TMEM123: variants seen among roughly 807,000 people sequenced by gnomAD.
TMEM123 encodes transmembrane protein 123, also known as porimin.
A neutral mutation model predicts 19.7 loss-of-function variants in TMEM123; 16 were observed. The ratio of observed to expected loss-of-function variants is 0.81; its 90% CI spans 0.55 to 1.23. The LOEUF is 1.23. TMEM123 is among the 50% of genes most tolerant of loss of function. The pLI, the probability that TMEM123 is intolerant of heterozygous loss-of-function variation, is 0.00. For synonymous variants in TMEM123, 118 were observed against 99.4 expected, an observed-to-expected ratio of 1.19 and a Z score of -1.12; for missense variants, 313 against 257.8, an observed-to-expected ratio of 1.21 and a Z score of -1.47.
chr11:102,406,526 C>A (rs1343880928), intron 2 of TMEM123, among the ~76,000 whole-genome samples: 1 of 152,092 alleles, frequency 6.6e-6, no homozygotes, highest in Non-Finnish European at 1.5e-5. Context: ...TCTTGTTTCC[C>A]ATGGACCAAA....
intron 2 of TMEM123, among the ~76,000 whole-genome samples, chr11:102,430,386 T>C (rs1857684678): frequency 6.6e-6 from 1 of 152,150 alleles, no homozygotes; most frequent in South Asian, 2.1e-4. Context: ...GACTTTCTAG[T>C]TGGGGAGGCA....
chr11:102,442,714 G>A (rs1279651222), intron 2 of TMEM123, among the ~76,000 whole-genome samples: 11 of 152,086 alleles, frequency 7.2e-5, no homozygotes, highest in Non-Finnish European at 1.6e-4. Context: ...GGCAGGAGAA[G>A]GAAATAAAGG....
At chr11:102,436,941 C>T (rs1422123297) in intron 2 of TMEM123, among the ~76,000 whole-genome samples, 2 of 152,208 alleles carry the variant, frequency 1.3e-5, no homozygotes, top group African/African-American at 4.8e-5. Flanking sequence ...AACAGGAACC[C>T]AGAGTTTGGT....
intron 2 of TMEM123, among the ~76,000 whole-genome samples, chr11:102,440,143 G>C (rs1260773577): frequency 6.6e-6 from 1 of 152,170 alleles, no homozygotes; most frequent in East Asian, 1.9e-4. Context: ...TTATCCAGGA[G>C]AACTTCCCCA....
intron 2 of TMEM123, among the ~76,000 whole-genome samples, chr11:102,433,212 C>T (rs753294159): frequency 6.6e-6 from 1 of 151,958 alleles, no homozygotes; most frequent in African/African-American, 2.4e-5. Flanking sequence ...GGAAAAGCCA[C>T]AGACACTCAA....
At chr11:102,430,983 A>G (rs1226434630) in intron 2 of TMEM123, among the ~76,000 whole-genome samples, 3 of 152,188 alleles carry the variant, frequency 2.0e-5, no homozygotes. Context: ...AAGTAGTCAA[A>G]CCAATTCTTA....
chr11:102,398,636 T>G lies in TMEM123; in HGVS notation c.*231A>C, dbSNP rs1951881378. On this transcript the variant is annotated 3_prime_UTR_variant, in exon 5 of 5. Coordinates refer to ENST00000398136, the MANE Select transcript of TMEM123 (RefSeq NM_052932.3). ...AGGACTTGTTTGTCTTACTATGAAC[T>G]TGCTAAAACCATTGTATGAACGGTC... 1 of 515,816 alleles carries G rather than the reference T, an allele frequency of 1.9e-6. No individual in the cohort carries two copies. The highest frequency in any genetic ancestry group is 3.4e-5 in the East Asian group (1 of 29,118). The allele number at this position is 515,816 out of a possible 1,614,324, so 32.0% of individuals were successfully genotyped here.
At chr11:102,436,158 T>G (rs1857760326) in intron 2 of TMEM123, among the ~76,000 whole-genome samples, 1 of 151,926 alleles carries the variant, frequency 6.6e-6, no homozygotes, top group South Asian at 2.1e-4. Context: ...GTTTAACTCC[T>G]TATTTTTTAT....
chr11:102,448,922 G>A (rs1485404042), intron 1 of TMEM123, 54 bp from the exon 2 acceptor site: 3 of 1,560,116 alleles, frequency 1.9e-6, no homozygotes, highest in African/African-American at 2.7e-5. Context: ...TAAGAATACT[G>A]GCAGTATGTG....
At chr11:102,418,465 G>A (rs533498168) in intron 2 of TMEM123, among the ~76,000 whole-genome samples, 9 of 152,224 alleles carry the variant, frequency 5.9e-5, no homozygotes, top group Non-Finnish European at 7.4e-5. Context: ...AAACCACAGT[G>A]AGAAAGCATC....
At chr11:102,404,634 G>A (rs1951939872) in intron 2 of TMEM123, among the ~76,000 whole-genome samples, 1 of 151,930 alleles carries the variant, frequency 6.6e-6, no homozygotes, top group Non-Finnish European at 1.5e-5. Flanking sequence ...GTCTTGCTCT[G>A]TCCCCCAGGC....
intron 2 of TMEM123, among the ~76,000 whole-genome samples, chr11:102,403,484 T>C (rs2135842770): frequency 6.6e-6 from 1 of 152,372 alleles, no homozygotes; most frequent in African/African-American, 2.4e-5. Context: ...TATAGGTACC[T>C]ATTAGGATAC....
chr11:102,429,911 G>C (rs1294326021), intron 2 of TMEM123, among the ~76,000 whole-genome samples: 1 of 152,166 alleles, frequency 6.6e-6, no homozygotes, highest in Non-Finnish European at 1.5e-5. Flanking sequence ...CACAGGGCCT[G>C]AACAACCCGA....
intron 2 of TMEM123, among the ~76,000 whole-genome samples, chr11:102,409,462 A>G (rs904166413): frequency 1.3e-5 from 2 of 152,186 alleles, no homozygotes; most frequent in African/African-American, 2.4e-5. Flanking sequence ...GCCTTTCCTC[A>G]TTGCACGGAG....
chr11:102,445,996 A>C (rs1269820578), intron 2 of TMEM123, among the ~76,000 whole-genome samples: 1 of 152,222 alleles, frequency 6.6e-6, no homozygotes, highest in Non-Finnish European at 1.5e-5. Flanking sequence ...GTCCAAGAAA[A>C]GAGCTTCAGA....
intron 2 of TMEM123, among the ~76,000 whole-genome samples, chr11:102,435,388 C>T (rs1331423500): frequency 1.3e-5 from 2 of 151,778 alleles, no homozygotes; most frequent in Non-Finnish European, 2.9e-5. Context: ...AAATCAAAAA[C>T]ACATCACATG....
chr11:102,399,225 C>T (rs900435559), intron 4 of TMEM123, among the ~76,000 whole-genome samples: 33 of 152,212 alleles, frequency 2.2e-4, no homozygotes, highest in African/African-American at 8.0e-4. Flanking sequence ...AGGAGGATCA[C>T]TTGAGCCCAG....
At chr11:102,414,881 C>A (rs1169814197) in intron 2 of TMEM123, among the ~76,000 whole-genome samples, 1 of 152,184 alleles carries the variant, frequency 6.6e-6, no homozygotes, top group African/African-American at 2.4e-5. Context: ...ACTAGATGCT[C>A]CACTTAAAAG....
intron 2 of TMEM123, among the ~76,000 whole-genome samples, chr11:102,403,649 T>A (rs978848955): frequency 2.0e-5 from 3 of 152,248 alleles, no homozygotes; most frequent in African/African-American, 7.2e-5. Context: ...TGTTTGTCCC[T>A]ATCAAAACTC....
Sources: allele counts gnomAD v4.1 joint callset (sites outside exome capture counted in the v4.1 genomes callset), GRCh38; gene constraint gnomAD v4.1.1; transcripts MANE v1.5; gene names NCBI Gene and HGNC (gene_info 2026-07-23, HGNC 2026-07-21).